Variants in PID1 observed in about 807,000 individuals in gnomAD.
PID1 encodes the protein phosphotyrosine interaction domain containing 1.
Under a neutral mutation model 19.1 loss-of-function variants are expected in PID1, and 10 were observed. The ratio of observed to expected loss-of-function variants is 0.52; its 90% CI spans 0.32 to 0.89. The LOEUF is 0.89. Ranked by LOEUF, PID1 falls within the 40% of genes least tolerant of loss-of-function variation. The probability of loss-of-function intolerance (pLI) is 0.03; values close to 1 mark genes in which losing one functional copy is unlikely to be tolerated. For synonymous variants in PID1, 130 were observed against 116.0 expected, an observed-to-expected ratio of 1.12 and a Z score of -0.78; for missense variants, 248 against 285.3, an observed-to-expected ratio of 0.87 and a Z score of 0.94.
intron 1 of PID1, among the ~76,000 whole-genome samples, chr2:229,186,519 C>G (rs1262064413): frequency 6.6e-6 from 1 of 152,242 alleles, no homozygotes; most frequent in Non-Finnish European, 1.5e-5. Flanking sequence ...AAGCTTGAGG[C>G]TTTCACCCTC....
intron 2 of PID1, among the ~76,000 whole-genome samples, chr2:229,152,101 C>T (rs1690268782): frequency 6.6e-6 from 1 of 152,166 alleles, no homozygotes; most frequent in African/African-American, 2.4e-5. Flanking sequence ...TTCCATCCCA[C>T]TCCCCACCTC....
At chr2:229,158,000 G>A (rs1437440358) in intron 1 of PID1, among the ~76,000 whole-genome samples, 2 of 152,156 alleles carry the variant, frequency 1.3e-5, no homozygotes, top group African/African-American at 2.4e-5. Context: ...TTTGTGCAGC[G>A]TTTTCACTGT....
At chr2:229,204,837 G>A (rs1030323350) in intron 1 of PID1, among the ~76,000 whole-genome samples, 20 of 152,142 alleles carry the variant, frequency 1.3e-4, no homozygotes, top group East Asian at 9.7e-4. Flanking sequence ...GTTATTAAAC[G>A]AATATATATT....
At chr2:229,247,488 G>A (rs746806642) in intron 1 of PID1, among the ~76,000 whole-genome samples, 3 of 152,194 alleles carry the variant, frequency 2.0e-5, no homozygotes, top group African/African-American at 4.8e-5. Context: ...TAGGACTAGC[G>A]CAAGTGAACT....
chr2:229,232,126 C>T lies in PID1; in HGVS notation c.30+38888G>A, dbSNP rs1692223850. ...AGGAGCCCTGATGACTTAACCACCT[C>T]TTAAAGGTCCCTCTTGGCCGGGTGC... On this transcript the variant is annotated intron_variant, in intron 1 of 2. Coordinates refer to ENST00000392055, the MANE Select transcript of PID1 (RefSeq NM_001100818.2). The T allele has an allele frequency of 2.1e-6, 3 of 1,458,776 alleles. No homozygotes were observed. The South Asian group carries it at 4.4e-5, about 21-fold the overall frequency. The allele number at this position is 1,458,776 out of a possible 1,614,324, so 90.4% of individuals were successfully genotyped here.
chr2:229,193,643 T>C (rs1691310191), intron 1 of PID1, among the ~76,000 whole-genome samples: 1 of 152,112 alleles, frequency 6.6e-6, no homozygotes, highest in Non-Finnish European at 1.5e-5. Context: ...ATTTTTATTG[T>C]TATTGTTACT....
At chr2:229,064,173 A>C (rs974554214) in intron 2 of PID1, among the ~76,000 whole-genome samples, 3 of 152,188 alleles carry the variant, frequency 2.0e-5, no homozygotes, top group African/African-American at 7.2e-5. Flanking sequence ...TGAATGCAAT[A>C]AGGTGAATGG....
intron 1 of PID1, among the ~76,000 whole-genome samples, chr2:229,181,245 A>G (rs1455602076): frequency 6.6e-6 from 1 of 152,208 alleles, no homozygotes; most frequent in Non-Finnish European, 1.5e-5. Context: ...AGGTGAGATA[A>G]CAGGATGCTA....
chr2:229,035,052 C>T (rs187592530), intron 2 of PID1, among the ~76,000 whole-genome samples: 362 of 152,264 alleles, frequency 2.4e-3, no homozygotes, highest in Admixed American at 6.5e-3. Flanking sequence ...TATAATAAGG[C>T]ATATCATTAG....
At chr2:229,104,463 C>T (rs1275720680) in intron 2 of PID1, among the ~76,000 whole-genome samples, 2 of 152,180 alleles carry the variant, frequency 1.3e-5, no homozygotes, top group Non-Finnish European at 2.9e-5. Context: ...TTTAAAAATA[C>T]AAATGTGTAC....
chr2:229,208,130 G>A (rs1321604461), intron 1 of PID1, among the ~76,000 whole-genome samples: 1 of 152,050 alleles, frequency 6.6e-6, no homozygotes, highest in East Asian at 1.9e-4. Context: ...TGGCTTCATT[G>A]ACTCTTCCTA....
chr2:229,042,971 G>A (rs1203050832), intron 2 of PID1, among the ~76,000 whole-genome samples: 1 of 151,236 alleles, frequency 6.6e-6, no homozygotes, highest in African/African-American at 2.4e-5. Context: ...GAGAGAAAGG[G>A]GGTAGCGCAG....
At chr2:229,115,780 T>C (rs1236993231) in intron 2 of PID1, among the ~76,000 whole-genome samples, 1 of 152,222 alleles carries the variant, frequency 6.6e-6, no homozygotes, top group African/African-American at 2.4e-5. Context: ...GTTAAGGCCT[T>C]GAACTTGGCA....
chr2:229,218,378 T>G (rs1170463157), intron 1 of PID1, among the ~76,000 whole-genome samples: 2 of 152,118 alleles, frequency 1.3e-5, no homozygotes, highest in African/African-American at 4.8e-5. Context: ...TTTTACTTCT[T>G]TTTGTGCCCA....
At chr2:229,173,843 T>C (rs571333637) in intron 1 of PID1, among the ~76,000 whole-genome samples, 50 of 152,216 alleles carry the variant, frequency 3.3e-4, no homozygotes, top group Non-Finnish European at 6.8e-4. Flanking sequence ...AATCAATGAG[T>C]AGCAGAGTTA....
chr2:229,173,046 G>C (rs1559268502), intron 1 of PID1, among the ~76,000 whole-genome samples: 1 of 152,058 alleles, frequency 6.6e-6, no homozygotes, highest in Admixed American at 6.5e-5. Context: ...TTTTTGAAGG[G>C]GCTCAGAAGA....
At chr2:229,229,088 T>C (rs1004107642) in intron 1 of PID1, among the ~76,000 whole-genome samples, 1 of 152,206 alleles carries the variant, frequency 6.6e-6, no homozygotes, top group Admixed American at 6.5e-5. Flanking sequence ...CTAGGACAGC[T>C]TGGAGCTATC....
At chr2:229,130,031 C>T (rs1322664076) in intron 2 of PID1, among the ~76,000 whole-genome samples, 2 of 152,192 alleles carry the variant, frequency 1.3e-5, no homozygotes, top group African/African-American at 2.4e-5. Flanking sequence ...GGACACTTAG[C>T]TCTTAAAGAG....
intron 2 of PID1, among the ~76,000 whole-genome samples, chr2:229,039,506 T>A (rs145066592): frequency 4.9e-4 from 75 of 152,322 alleles, no homozygotes; most frequent in Admixed American, 3.5e-3. Flanking sequence ...AGAAATTATA[T>A]CCCTTGCAAC....
Sources: gnomAD v4.1 joint callset for allele counts (sites outside exome capture counted in the v4.1 genomes callset) on GRCh38, gnomAD v4.1.1 for gene constraint, MANE v1.5 for transcripts, NCBI Gene and HGNC (gene_info 2026-07-23, HGNC 2026-07-21) for gene names.